UBE2K: variants seen among roughly 807,000 people sequenced by gnomAD.
UBE2K encodes the protein ubiquitin-conjugating enzyme E2 K.
Under a neutral mutation model 30.0 loss-of-function variants are expected in UBE2K, and 6 were observed. The ratio of observed to expected loss-of-function variants is 0.20; its 90% CI spans 0.11 to 0.39. UBE2K has a LOEUF of 0.39. Ranked by LOEUF, UBE2K falls within the 10% of genes least tolerant of loss-of-function variation. UBE2K has a pLI of 1.00. For missense variants in UBE2K, 61 were observed against 241.6 expected (o/e 0.25, Z 4.96); for synonymous variants, 86 against 83.7 (o/e 1.03, Z -0.15).
At position 39,781,721 on chromosome 4, in the gene UBE2K, G is replaced by A. The variant is rs750245971; in HGVS notation, c.*3287G>A. The A allele has an allele frequency of 1.8e-4, 68 of 387,080 alleles. No individual in the cohort carries two copies. The highest frequency in any genetic ancestry group is 2.8e-4 in the Non-Finnish European group (62 of 218,832). The allele number at this position is 387,080 out of a possible 1,614,324, so 24.0% of individuals were successfully genotyped here. On this transcript the variant is annotated 3_prime_UTR_variant, in exon 7 of 7. Transcript: ENST00000261427. ...GTAGAGGGAAACAATGTTTAGATAG[G>A]AAAAAGGAAGCCGTCTGTTTACAGT...
chr4:39,711,163 CT>C lies in UBE2K; in HGVS notation c.63+12790del, dbSNP rs34401637. On this transcript the variant is annotated intron_variant, in intron 1 of 6. Coordinates refer to ENST00000261427, the MANE Select transcript of UBE2K (RefSeq NM_005339.5). ...TGTATGTCTCTTGGAAACTTTTTCT[CT>C]TTTTTTTTTTTTTTTTGAGACGGAG... Among the ~76,000 whole-genome samples the C allele has an allele frequency of 6.6e-3, 809 of 122,088 alleles. 4 individuals are homozygous for C. The highest frequency in any genetic ancestry group is 0.022 in the African/African-American group (699 of 31,802). 80.1% of individuals were successfully genotyped at this position (122,088 alleles called of 152,430 possible).
At chr4:39,756,098 A>G in intron 4 of UBE2K, among the ~76,000 whole-genome samples, 1 of 152,242 alleles carries the variant, frequency 6.6e-6, no homozygotes, top group Non-Finnish European at 1.5e-5. Flanking sequence ...AATGTAAGTT[A>G]CAAAATTGTT....
At chr4:39,714,283 C>CT in intron 1 of UBE2K, 1 of 202,658 alleles carries the variant, frequency 4.9e-6, no homozygotes, top group South Asian at 1.0e-4. Context: ...CCAAATGAAC[C>CT]TTTATGAGCT....
intron 1 of UBE2K, among the ~76,000 whole-genome samples, chr4:39,730,765 G>A (rs139084980): frequency 0.01 from 1,522 of 146,766 alleles, 30 homozygotes; most frequent in African/African-American, 0.036. Context: ...GTGAGACTCC[G>A]TCTCAAAAAA....
chr4:39,727,033 A>C (rs1719791003), intron 1 of UBE2K, among the ~76,000 whole-genome samples: 1 of 152,190 alleles, frequency 6.6e-6, no homozygotes, highest in African/African-American at 2.4e-5. Context: ...CAATTGTCTT[A>C]TTATGTCCAA....
At chr4:39,708,341 G>A (rs1015990344) in intron 1 of UBE2K, among the ~76,000 whole-genome samples, 3 of 152,058 alleles carry the variant, frequency 2.0e-5, no homozygotes, top group Non-Finnish European at 4.4e-5. Flanking sequence ...CTCAAACATA[G>A]TTTTAGAGTT....
chr4:39,768,917 G>T (rs1181321707), intron 4 of UBE2K, among the ~76,000 whole-genome samples: 1 of 152,062 alleles, frequency 6.6e-6, no homozygotes, highest in Non-Finnish European at 1.5e-5. Context: ...GAGTGCAGTG[G>T]CATGATCTCA....
At chr4:39,774,960 T>A in intron 5 of UBE2K, 27 bp downstream of exon 5, 1 of 1,514,196 alleles carries the variant, frequency 6.6e-7, no homozygotes, top group East Asian at 2.3e-5. Flanking sequence ...TGAAAGACTT[T>A]CTTATATTAT....
Position 39,755,731 on chromosome 4 carries a change from A to G in UBE2K, c.291A>G (p.Lys97=). The part of the protein sequence containing the change: ...VTGAICLDIL[K]DQWAAAMTLR... ...GGGCTATTTGTTTGGATATCCTGAA[A>G]GATCAATGGTAAGAGATTTTGAATT... Residue 97 remains lysine, a synonymous_variant, in exon 4 of 7, where the codon AAA becomes AAG. Coordinates refer to ENST00000261427, the MANE Select transcript of UBE2K (RefSeq NM_005339.5). The G allele has an allele frequency of 6.3e-7, 1 of 1,594,682 alleles. No homozygotes were observed.
At chr4:39,753,440 A>G (rs2109371635) in intron 3 of UBE2K, among the ~76,000 whole-genome samples, 1 of 152,354 alleles carries the variant, frequency 6.6e-6, no homozygotes, top group South Asian at 2.1e-4. Flanking sequence ...TAGCCTTATA[A>G]TAACATTTTT....
chr4:39,744,787 G>A (rs1290249310), intron 2 of UBE2K, among the ~76,000 whole-genome samples: 1 of 151,350 alleles, frequency 6.6e-6, no homozygotes, highest in Admixed American at 6.6e-5. Context: ...GGCGCCTGTA[G>A]TCTCAGCTAC....
intron 2 of UBE2K, among the ~76,000 whole-genome samples, chr4:39,740,670 G>A (rs1720647887): frequency 6.6e-6 from 1 of 150,386 alleles, no homozygotes; most frequent in Non-Finnish European, 1.5e-5. Context: ...AGACCGTCCT[G>A]GCTAACACGA....
At chr4:39,720,681 G>T (rs1719371286) in intron 1 of UBE2K, among the ~76,000 whole-genome samples, 2 of 152,206 alleles carry the variant, frequency 1.3e-5, no homozygotes, top group African/African-American at 4.8e-5. Flanking sequence ...TATACGTATA[G>T]ATAGTTAATA....
chr4:39,771,547 A>G (rs1022038537), intron 4 of UBE2K, among the ~76,000 whole-genome samples: 15 of 151,948 alleles, frequency 9.9e-5, no homozygotes, highest in Admixed American at 5.9e-4. Context: ...GGGCAGAGCC[A>G]GGGCAGCATG....
intron 1 of UBE2K, among the ~76,000 whole-genome samples, chr4:39,720,482 C>A (rs1485166514): frequency 6.6e-6 from 1 of 152,038 alleles, no homozygotes; most frequent in Admixed American, 6.6e-5. Flanking sequence ...GGACATGATC[C>A]TTGCTGTTAT....
intron 1 of UBE2K, among the ~76,000 whole-genome samples, chr4:39,703,244 G>T (rs900791544): frequency 5.9e-5 from 9 of 152,082 alleles, no homozygotes; most frequent in African/African-American, 2.2e-4. Flanking sequence ...TTATGGCCAG[G>T]TGGGGTGGCT....
At chr4:39,756,689 T>C (rs1721531858) in intron 4 of UBE2K, among the ~76,000 whole-genome samples, 1 of 152,118 alleles carries the variant, frequency 6.6e-6, no homozygotes, top group Admixed American at 6.6e-5. Flanking sequence ...CTGACAATGA[T>C]AAAGATGATA....
chr4:39,732,477 A>G (rs1720125716), intron 1 of UBE2K, among the ~76,000 whole-genome samples: 1 of 152,186 alleles, frequency 6.6e-6, no homozygotes, highest in African/African-American at 2.4e-5. Context: ...TAACAATGAC[A>G]ATATCATTTC....
At chr4:39,749,799 C>T (rs1268992053) in intron 3 of UBE2K, among the ~76,000 whole-genome samples, 3 of 152,164 alleles carry the variant, frequency 2.0e-5, no homozygotes, top group Non-Finnish European at 2.9e-5. Flanking sequence ...AGCGTATGCT[C>T]ATCTGTACAT....
Sources: allele counts gnomAD v4.1 joint callset (sites outside exome capture counted in the v4.1 genomes callset), GRCh38; gene constraint gnomAD v4.1.1; transcripts MANE v1.5; gene names NCBI Gene and HGNC (gene_info 2026-07-23, HGNC 2026-07-21).